ASAH2: variants seen among roughly 807,000 people sequenced by gnomAD.
ASAH2 encodes neutral ceramidase.
ASAH2 carries 58 observed loss-of-function variants against 82.9 expected under a neutral mutation model. The observed-to-expected ratio is 0.70, with a 90% confidence interval of 0.57 to 0.87. ASAH2 has a LOEUF of 0.87. Among genes scored for constraint, ASAH2 ranks in the 40% least tolerant of loss-of-function variants. ASAH2 has a pLI of 0.00. For missense variants in ASAH2, 779 were observed against 834.0 expected (o/e 0.93, Z 0.81); for synonymous variants, 276 against 289.7 (o/e 0.95, Z 0.48).
At position 50,234,566 on chromosome 10, in the gene ASAH2, A is replaced by C; in HGVS notation, c.688-14T>G. ...TATGTCAATGCTCTGAAGGTTAAAA[A>C]AGAGGGGGATGTTATAAGCTTAGAA... On this transcript the variant is annotated splice_polypyrimidine_tract_variant and intron_variant, in intron 5 of 20. Transcript: ENST00000682911. 12 of 1,612,630 alleles carry C rather than the reference A, an allele frequency of 7.4e-6. No individual in the cohort carries two copies. Among genetic ancestry groups the C allele is most frequent in the Non-Finnish European group, 1.0e-5 (12 of 1,178,850 alleles).
chr10:50,205,911 C>A, intron 13 of ASAH2, 71 bp downstream of exon 13: 1 of 1,181,416 alleles, frequency 8.5e-7, no homozygotes, highest in East Asian at 2.3e-5. Flanking sequence ...ATCTACCATT[C>A]ATTACCTGAC....
rs1845287702 is a variant in ASAH2 at position 50,206,091 on chromosome 10, G to C, written c.1421C>G (p.Thr474Arg). ...GGTGTCCCAAAATGGATCCCCTTCT[G>C]TTTTCCCTATTAGAAATGTTATAAT... ...VGGLNFTQGK[T>R]EGDPFWDTIR... The change falls in exon 13 of 21, where the codon ACA (threonine) becomes AGA (arginine). Residue 474 changes from threonine to arginine, a missense_variant. Thr to Arg is a moderately conservative substitution (Grantham distance 71). Around this residue, in one of 3 missense-constraint regions of ASAH2, gnomAD observed 759 missense variants for 755.2 expected, o/e 1.00. Transcript: ENST00000682911. 1.1e-5 allele frequency: 17 copies of C among 1,609,004 alleles called. No homozygotes were observed. The highest frequency in any genetic ancestry group is 1.4e-5 in the Non-Finnish European group (17 of 1,175,686).
chr10:50,196,141 T>C (rs1453201443), intron 18 of ASAH2, among the ~76,000 whole-genome samples: 3 of 151,934 alleles, frequency 2.0e-5, no homozygotes, highest in Admixed American at 6.6e-5. Context: ...CAAAACATCA[T>C]CTTGTACACA....
At chr10:50,247,421 C>T (rs1589363349) in intron 2 of ASAH2, among the ~76,000 whole-genome samples, 1 of 151,808 alleles carries the variant, frequency 6.6e-6, no homozygotes, top group African/African-American at 2.4e-5. Flanking sequence ...TACCTTGGTC[C>T]CCCAAAGTGC....
At position 50,204,861 on chromosome 10, in the gene ASAH2, G is replaced by A. The variant is rs958467227; in HGVS notation, c.1625C>T (p.Thr542Met). 2.6e-5 allele frequency: 41 copies of A among 1,602,196 alleles called. No homozygotes were observed. Among genetic ancestry groups the A allele is most frequent in the African/African-American group, 5.4e-5 (4 of 74,598 alleles). The change falls in exon 14 of 21, where the codon ACG becomes ATG. Residue 542 changes from threonine (T) to methionine (M), a missense_variant and splice_region_variant. Physicochemically the swap from Thr to Met is moderately conservative, Grantham distance 81. Around this residue, in one of 3 missense-constraint regions of ASAH2, gnomAD observed 759 missense variants for 755.2 expected, o/e 1.00. Transcript: ENST00000682911. ...CTAAGTAATAAAAAGAAAAACTTAC[G>A]TAAACTCCCCGGGGATGGCAGTTAT... ...LAITAIPGEF[T>M]TMSGRRLREA...
At chr10:50,210,780 C>G in intron 12 of ASAH2, 43 bp downstream of exon 12, 7 of 1,437,728 alleles carry the variant, frequency 4.9e-6, no homozygotes, top group Non-Finnish European at 6.9e-6. Context: ...AACCCAGAAG[C>G]TTCAGAAGCT....
rs1346880746 is a variant in ASAH2 at position 50,216,620 on chromosome 10, A to G, written c.1015-1752T>C. Among the ~76,000 whole-genome samples, 4 of 152,194 alleles carry G rather than the reference A, an allele frequency of 2.6e-5. No individual in the cohort carries two copies. The South Asian group carries it at 8.3e-4, about 32-fold the overall frequency. On this transcript the variant is annotated intron_variant, in intron 8 of 20. Transcript: ENST00000682911. Reference sequence around the variant, plus strand: ...AAGCAAATACAGACTTTCCTGTTGCACAATGAAACTAAATATACCATCCAC... The same window carrying G: ...AAGCAAATACAGACTTTCCTGTTGCGCAATGAAACTAAATATACCATCCAC...
At chr10:50,223,444 G>C (rs1206831183) in intron 7 of ASAH2, among the ~76,000 whole-genome samples, 1 of 152,142 alleles carries the variant, frequency 6.6e-6, no homozygotes, top group East Asian at 1.9e-4. Context: ...AGCCAGCCCA[G>C]AAAAGAGGAT....
rs1844716730 is a variant in ASAH2 at position 50,185,329 on chromosome 10, G to A, written c.*1986C>T. On this transcript the variant is annotated 3_prime_UTR_variant, in exon 21 of 21. Transcript: ENST00000682911. Reference sequence around the variant, plus strand: ...TAGAACTGCATGCCCTAGAAGAAATGACAGCTGGTGAGAAAATAGGTTTCT... The same window carrying A: ...TAGAACTGCATGCCCTAGAAGAAATAACAGCTGGTGAGAAAATAGGTTTCT... The A allele has an allele frequency of 7.0e-6, 1 of 142,100 alleles. No individual in the cohort carries two copies. The highest frequency in any genetic ancestry group is 2.3e-4 in the South Asian group (1 of 4,270). 8.8% of individuals were successfully genotyped at this position (142,100 alleles called of 1,614,324 possible). A position where few individuals can be genotyped will look rare whatever the true frequency, so the allele number is the denominator to read the frequency against.
At chr10:50,248,446 G>C (rs1479058996) in intron 2 of ASAH2, 38 bp downstream of exon 2, 2 of 1,606,598 alleles carry the variant, frequency 1.2e-6, no homozygotes, top group Admixed American at 1.7e-5. Flanking sequence ...TTTCATACAG[G>C]CCTAAAAATT....
chr10:50,237,815 T>A (rs1461766036), intron 4 of ASAH2, among the ~76,000 whole-genome samples: 1 of 152,194 alleles, frequency 6.6e-6, no homozygotes, highest in Admixed American at 6.5e-5. Context: ...CCCAGCAGTA[T>A]GTAACACAAA....
In ASAH2 at chr10:50,214,838, T is replaced by G. The variant is rs1845553494; in HGVS notation, c.1045A>C (p.Asn349His). The G allele has an allele frequency of 1.2e-6, 2 of 1,613,578 alleles. No individual in the cohort carries two copies. Among genetic ancestry groups the G allele is most frequent in the African/African-American group, 1.3e-5 (1 of 74,912 alleles). Reference protein sequence around the residue: ...GPFVAAFASSNLGDVSPNILG... With the variant: ...GPFVAAFASSHLGDVSPNILG... The stretch of plus-strand genomic sequence containing the variant: ...ATGTTGGGGGACACATCTCCTAGGT[T>G]TGATGAAGCAAAGGCTGCTACAAAT... Residue 349 changes from asparagine (N) to histidine (H), a missense_variant, in exon 9 of 21, where the codon AAC (asparagine) becomes CAC (histidine). Asn to His is a moderately conservative substitution (Grantham distance 68, BLOSUM62 1). Coordinates refer to ENST00000682911, the MANE Select transcript of ASAH2 (RefSeq NM_019893.4).
chr10:50,211,078 C>G lies in ASAH2; in HGVS notation c.1284G>C (p.Gln428His), dbSNP rs1845443355. ...CAGTCACATCTGTCATATCCACCCA[C>G]TGGTGTGCTGAAGCCAGTGGTCCTG... ...EVTGPLASAH[Q>H]WVDMTDVTVW... is the part of the protein sequence containing the mutation. Residue 428 changes from glutamine to histidine, a missense_variant, in exon 11 of 21, where the codon CAG becomes CAC. Coordinates refer to ENST00000682911, the MANE Select transcript of ASAH2 (RefSeq NM_019893.4). The G allele has an allele frequency of 6.2e-7, 1 of 1,613,680 alleles. No individual in the cohort carries two copies. The highest frequency in any genetic ancestry group is 1.3e-5 in the African/African-American group (1 of 74,910).
chr10:50,204,895 AC>A lies in ASAH2; in HGVS notation c.1590del (p.Ser531ProfsTer4). ...CCGGGGATGGCAGTTATGGCCAAGG[AC>A]CCAAGGGTAATAATCTGAACATCAA... ...DIVDVQIITL[G>X]SLAITAIPGE... is the part of the protein sequence containing the mutation. On this transcript the variant is annotated frameshift_variant, in exon 14 of 21. Transcript: ENST00000682911. LOFTEE classifies it high-confidence loss of function. 1 of 1,611,978 alleles carries A rather than the reference AC, an allele frequency of 6.2e-7. No individual in the cohort carries two copies. Among genetic ancestry groups the A allele is most frequent in the Non-Finnish European group, 8.5e-7 (1 of 1,178,868 alleles).
intron 8 of ASAH2, among the ~76,000 whole-genome samples, chr10:50,216,217 G>C (rs1845596881): frequency 6.6e-6 from 1 of 151,938 alleles, no homozygotes; most frequent in African/African-American, 2.4e-5. Flanking sequence ...ATGATGGGTT[G>C]ATAGGTGCAG....
chr10:50,214,636 C>A lies in ASAH2; in HGVS notation c.1140+107G>T, dbSNP rs1016591800. 13 of 1,376,266 alleles carry A rather than the reference C, an allele frequency of 9.4e-6. No homozygotes were observed. The South Asian group carries it at 1.2e-4, about 13-fold the overall frequency. 85.3% of individuals were successfully genotyped at this position (1,376,266 alleles called of 1,614,324 possible). The stretch of plus-strand genomic sequence containing the variant: ...AGAGCAGATGCTAGGGAGAACTAGG[C>A]CAGTGTATACTAGAAGACAAGGTAT... On this transcript the variant is annotated intron_variant, in intron 9 of 20. Coordinates refer to ENST00000682911, the MANE Select transcript of ASAH2 (RefSeq NM_019893.4).
chr10:50,234,621 A>G, intron 5 of ASAH2, 69 bp from the exon 6 acceptor site: 1 of 1,606,930 alleles, frequency 6.2e-7, no homozygotes, highest in Non-Finnish European at 8.5e-7. Context: ...CTTAGTCAAT[A>G]TAAACAGAAG....
intron 17 of ASAH2, among the ~76,000 whole-genome samples, chr10:50,197,202 GCATACTTT>G (rs1268918961): frequency 2.6e-5 from 4 of 151,686 alleles, no homozygotes; most frequent in African/African-American, 9.7e-5. Flanking sequence ...AAGGTTGGAA[GCATACTTT>G]CAAATTGTCT....
intron 8 of ASAH2, among the ~76,000 whole-genome samples, chr10:50,215,784 C>T (rs1218386458): frequency 2.0e-5 from 3 of 152,044 alleles, no homozygotes; most frequent in Non-Finnish European, 2.9e-5. Context: ...CCAGAAATAC[C>T]ATCTAACCCA....
Sources: gnomAD v4.1 joint callset for allele counts (sites outside exome capture counted in the v4.1 genomes callset) on GRCh38, gnomAD v4.1.1 for gene constraint, gnomAD v4.1.1 regional missense constraint, MANE v1.5 for transcripts, NCBI Gene and HGNC (gene_info 2026-07-23, HGNC 2026-07-21) for gene names.